Variants in FHIT observed in about 807,000 individuals in gnomAD.
The protein encoded by FHIT is fragile histidine triad diadenosine triphosphatase.
In FHIT, 19 loss-of-function variants were observed where a neutral mutation model predicts 17.9. The ratio of observed to expected loss-of-function variants is 1.06; its 90% CI spans 0.74 to 1.56. FHIT has a LOEUF of 1.56. Among genes scored for constraint, FHIT ranks in the 40% most tolerant of loss-of-function variants. The pLI is 0.00. For synonymous variants in FHIT, 81 were observed against 69.7 expected (o/e 1.16, Z -0.81); for missense variants, 248 against 189.2 (o/e 1.31, Z -1.82).
chr3:60,134,349 G>A (rs1372394415), intron 5 of FHIT, among the ~76,000 whole-genome samples: 1 of 152,108 alleles, frequency 6.6e-6, no homozygotes, highest in Non-Finnish European at 1.5e-5. Flanking sequence ...CAATGGGGCA[G>A]GTTTTTATTC....
At chr3:60,012,266 G>GTTTTTTT (rs769497004) in intron 6 of FHIT, among the ~76,000 whole-genome samples, 1 of 112,484 alleles carries the variant, frequency 8.9e-6, no homozygotes, top group African/African-American at 3.4e-5. Context: ...TTTTTTTGTT[G>GTTTTTTT]TTTTTTTTTT....
rs571780343 is a variant in FHIT at position 61,031,033 on chromosome 3, G to T, written c.-111+11014C>A. Among the ~76,000 whole-genome samples, 4 of 152,240 alleles carry T rather than the reference G, an allele frequency of 2.6e-5. No individual in the cohort carries two copies. The East Asian group carries it at 7.7e-4, about 29-fold the overall frequency. ...TGAGCACTTACATGAAACGAAATAA[G>T]GGGTCCTTGCAGTGTTTTGAGCAGA... On this transcript the variant is annotated intron_variant, in intron 3 of 9. Transcript: ENST00000492590.
chr3:59,815,322 G>C (rs771829229), intron 8 of FHIT, among the ~76,000 whole-genome samples: 2 of 152,144 alleles, frequency 1.3e-5, no homozygotes, highest in Non-Finnish European at 2.9e-5. Context: ...ACAGTGTGGA[G>C]ATTCCTTAAA....
chr3:60,132,212 T>C (rs1279774081), intron 5 of FHIT, among the ~76,000 whole-genome samples: 2 of 152,182 alleles, frequency 1.3e-5, no homozygotes, highest in Non-Finnish European at 2.9e-5. Context: ...ATAATTCTGA[T>C]TGATCATTGT....
chr3:61,151,453 A>G (rs1417146448), intron 2 of FHIT, among the ~76,000 whole-genome samples: 1 of 151,954 alleles, frequency 6.6e-6, no homozygotes, highest in Non-Finnish European at 1.5e-5. Context: ...TCTTTTTCTC[A>G]TCATGTATAT....
At chr3:61,010,159 A>G (rs2107621098) in intron 3 of FHIT, among the ~76,000 whole-genome samples, 1 of 152,306 alleles carries the variant, frequency 6.6e-6, no homozygotes, top group African/African-American at 2.4e-5. Flanking sequence ...TGTCTATGCT[A>G]TAAATATACT....
chr3:60,351,886 C>A (rs2106947125), intron 5 of FHIT, among the ~76,000 whole-genome samples: 1 of 152,284 alleles, frequency 6.6e-6, no homozygotes, highest in South Asian at 2.1e-4. Context: ...ACCCCTGTGC[C>A]CTCTAAAGAT....
chr3:60,998,862 C>G (rs957514655), intron 3 of FHIT, among the ~76,000 whole-genome samples: 3 of 151,692 alleles, frequency 2.0e-5, no homozygotes, highest in Admixed American at 1.3e-4. Flanking sequence ...TAAGTTTTTT[C>G]ATGGTTCACC....
chr3:61,228,936 G>A (rs935843740), intron 1 of FHIT, among the ~76,000 whole-genome samples: 4 of 152,178 alleles, frequency 2.6e-5, no homozygotes, highest in South Asian at 2.1e-4. Flanking sequence ...AGCACTGAGA[G>A]AGAAAGCCAG....
At position 60,749,366 on chromosome 3, in the gene FHIT, A is replaced by G. The variant is rs115478349; in HGVS notation, c.-18+72553T>C. Among the ~76,000 whole-genome samples, 958 of 151,940 alleles carry G rather than the reference A, an allele frequency of 6.3e-3. 9 individuals are homozygous for G. The highest frequency in any genetic ancestry group is 0.014 in the East Asian group (70 of 5,158). On this transcript the variant is annotated intron_variant, in intron 4 of 9. Transcript: ENST00000492590. Reference sequence around the variant, plus strand: ...TCAGCTTAAAATAATCTTCAGACCAACTCTGGGCTTCTGAGTGGGTACCCG... The same window carrying G: ...TCAGCTTAAAATAATCTTCAGACCAGCTCTGGGCTTCTGAGTGGGTACCCG...
intron 4 of FHIT, among the ~76,000 whole-genome samples, chr3:60,757,466 C>A (rs1034590511): frequency 6.6e-6 from 1 of 152,182 alleles, no homozygotes; most frequent in African/African-American, 2.4e-5. Flanking sequence ...TTCCTTTAGG[C>A]AAAGAGGACA....
At chr3:60,517,579 C>T (rs750909467) in intron 5 of FHIT, among the ~76,000 whole-genome samples, 4 of 152,100 alleles carry the variant, frequency 2.6e-5, no homozygotes, top group Non-Finnish European at 4.4e-5. Context: ...CTGGGAATTG[C>T]CATATATGGC....
At chr3:60,267,271 A>G (rs1012571850) in intron 5 of FHIT, among the ~76,000 whole-genome samples, 3 of 152,022 alleles carry the variant, frequency 2.0e-5, no homozygotes, top group African/African-American at 7.2e-5. Flanking sequence ...GGGGTTTTGA[A>G]TTATTTTTTA....
At chr3:59,997,377 A>T (rs747819517) in intron 7 of FHIT, among the ~76,000 whole-genome samples, 30 of 152,324 alleles carry the variant, frequency 2.0e-4, no homozygotes, top group Non-Finnish European at 2.8e-4. Flanking sequence ...ATTTCAGAGA[A>T]GCAAAGTGTT....
At chr3:60,536,010 C>CAGCG (rs2035968416) in intron 5 of FHIT, 2 of 152,056 alleles carry the variant, frequency 1.3e-5, no homozygotes, top group Non-Finnish European at 2.9e-5. Flanking sequence ...TACTTATTAT[C>CAGCG]TGAAAATATC....
intron 2 of FHIT, among the ~76,000 whole-genome samples, chr3:61,087,192 A>C (rs2035333016): frequency 6.6e-6 from 1 of 152,152 alleles, no homozygotes; most frequent in African/African-American, 2.4e-5. Context: ...TATTCTATAC[A>C]TGAAAGAAAT....
At chr3:60,506,767 A>C (rs1411147995) in intron 5 of FHIT, among the ~76,000 whole-genome samples, 1 of 152,198 alleles carries the variant, frequency 6.6e-6, no homozygotes, top group African/African-American at 2.4e-5. Context: ...ATGAGAAGAC[A>C]ATGGAGCAGA....
chr3:60,872,607 C>T (rs1260957288), intron 3 of FHIT, among the ~76,000 whole-genome samples: 1 of 152,126 alleles, frequency 6.6e-6, no homozygotes, highest in Non-Finnish European at 1.5e-5. Flanking sequence ...AATAATCCCA[C>T]ATTATTCTCT....
At position 60,773,873 on chromosome 3, in the gene FHIT, A is replaced by C. The variant is rs58598247; in HGVS notation, c.-18+48046T>G. Among the ~76,000 whole-genome samples, 237 of 152,360 alleles carry C rather than the reference A, an allele frequency of 1.6e-3. 2 individuals carry two copies. Among genetic ancestry groups the C allele is most frequent in the African/African-American group, 5.5e-3 (228 of 41,582 alleles). Reference sequence around the variant, plus strand: ...ATACCACCTTCTTTCATAAAGCTGGACCATCATTTTGCCTTTAATCATCTT... The same window carrying C: ...ATACCACCTTCTTTCATAAAGCTGGCCCATCATTTTGCCTTTAATCATCTT... On this transcript the variant is annotated intron_variant, in intron 4 of 9. Transcript: ENST00000492590.
Sources: allele counts gnomAD v4.1 joint callset (sites outside exome capture counted in the v4.1 genomes callset), GRCh38; gene constraint gnomAD v4.1.1; transcripts MANE v1.5; gene names NCBI Gene and HGNC (gene_info 2026-07-23, HGNC 2026-07-21).